The following NUDCD3 variants were observed in gnomAD, a reference collection of about 807,000 sequenced individuals.
NUDCD3 encodes nudC domain-containing protein 3.
Under a neutral mutation model 39.7 loss-of-function variants are expected in NUDCD3, and 13 were observed. The ratio of observed to expected loss-of-function variants is 0.33; its 90% CI spans 0.21 to 0.52. NUDCD3 has a LOEUF of 0.52. Ranked by LOEUF, NUDCD3 falls within the 20% of genes least tolerant of loss-of-function variation. The probability of loss-of-function intolerance (pLI) is 0.96; values close to 1 mark genes in which losing one functional copy is unlikely to be tolerated. For synonymous variants in NUDCD3, 175 were observed against 172.4 expected, an observed-to-expected ratio of 1.02 and a Z score of -0.12; for missense variants, 453 against 458.1, an observed-to-expected ratio of 0.99 and a Z score of 0.10.
intron 3 of NUDCD3, among the ~76,000 whole-genome samples, chr7:44,408,305 C>G (rs1412543975): frequency 1.3e-5 from 2 of 152,092 alleles, no homozygotes; most frequent in Non-Finnish European, 2.9e-5. Context: ...ATATCCAACT[C>G]AAGTCCAAAA....
intron 2 of NUDCD3, among the ~76,000 whole-genome samples, chr7:44,437,578 G>A (rs866838526): frequency 4.3e-4 from 65 of 152,312 alleles, no homozygotes; most frequent in African/African-American, 1.5e-3. Context: ...ACTCTGGCCT[G>A]TGTGGGGGCC....
chr7:44,422,061 G>T (rs1799150660), intron 3 of NUDCD3, among the ~76,000 whole-genome samples: 1 of 152,168 alleles, frequency 6.6e-6, no homozygotes, highest in African/African-American at 2.4e-5. Flanking sequence ...TGAAATTAAG[G>T]CAGAAATAAC....
chr7:44,459,155 TA>T (rs1163859526), intron 2 of NUDCD3, among the ~76,000 whole-genome samples: 5 of 152,218 alleles, frequency 3.3e-5, no homozygotes, highest in African/African-American at 1.2e-4. Flanking sequence ...TATTCCTAAG[TA>T]TTTTTTTATA....
intron 3 of NUDCD3, among the ~76,000 whole-genome samples, chr7:44,416,627 C>G (rs898675827): frequency 6.6e-6 from 1 of 152,154 alleles, no homozygotes; most frequent in Non-Finnish European, 1.5e-5. Context: ...AGGCAGGTCA[C>G]CAGTACAAAT....
intron 3 of NUDCD3, among the ~76,000 whole-genome samples, chr7:44,425,112 G>A (rs1799208753): frequency 6.6e-6 from 1 of 152,064 alleles, no homozygotes; most frequent in Non-Finnish European, 1.5e-5. Context: ...TGGACACAGG[G>A]AGGGGAACAT....
intron 2 of NUDCD3, among the ~76,000 whole-genome samples, chr7:44,444,201 T>A (rs1799647117): frequency 6.6e-6 from 1 of 152,176 alleles, no homozygotes; most frequent in African/African-American, 2.4e-5. Flanking sequence ...AACCTTCTCA[T>A]CTCACAGGTT....
At chr7:44,467,065 C>T (rs987109485) in intron 2 of NUDCD3, among the ~76,000 whole-genome samples, 13 of 152,176 alleles carry the variant, frequency 8.5e-5, no homozygotes, top group Admixed American at 1.3e-4. Flanking sequence ...CCCTCACCAG[C>T]CCCCCGTGGT....
chr7:44,408,096 G>A (rs1167497499), intron 3 of NUDCD3, among the ~76,000 whole-genome samples: 1 of 152,162 alleles, frequency 6.6e-6, no homozygotes, highest in African/African-American at 2.4e-5. Flanking sequence ...TAGACTTCCA[G>A]AATCAATTAC....
intron 2 of NUDCD3, among the ~76,000 whole-genome samples, chr7:44,484,169 A>C (rs1409542734): frequency 1.3e-5 from 2 of 152,218 alleles, no homozygotes; most frequent in Non-Finnish European, 2.9e-5. Context: ...TTTCCAAAAA[A>C]ACAAAGCAGG....
intron 4 of NUDCD3, chr7:44,402,839 C>T (rs1798750704): frequency 5.5e-6 from 2 of 363,066 alleles, no homozygotes; most frequent in Non-Finnish European, 1.1e-5. Context: ...CAGGGCTGCA[C>T]CTTCAGAGGG....
intron 4 of NUDCD3, among the ~76,000 whole-genome samples, chr7:44,398,700 C>T (rs1798667936): frequency 1.3e-5 from 2 of 152,172 alleles, no homozygotes; most frequent in South Asian, 4.1e-4. Flanking sequence ...ATGTGCCCAG[C>T]GAGGACGACT....
At chr7:44,478,034 A>G (rs1800413046) in intron 2 of NUDCD3, among the ~76,000 whole-genome samples, 1 of 151,874 alleles carries the variant, frequency 6.6e-6, no homozygotes, top group African/African-American at 2.4e-5. Flanking sequence ...GAGTTTCACC[A>G]TGTTGGTGAG....
rs1160016770 is a variant in NUDCD3 at position 44,458,927 on chromosome 7, C to T, written c.509+26041G>A. On this transcript the variant is annotated intron_variant, in intron 2 of 5. Transcript: ENST00000355451. ...TACTGACACTGGCTGCAGGATTAGA[C>T]GGGGAGTGCTGTGTGTGTGTGTGTG... Among the ~76,000 whole-genome samples, 12 of 78,780 alleles carry T rather than the reference C, an allele frequency of 1.5e-4. No individual in the cohort carries two copies. In the East Asian group the frequency reaches 3.0e-3, roughly 20 times the overall value. 51.7% of individuals were successfully genotyped at this position (78,780 alleles called of 152,430 possible). A position where few individuals can be genotyped will look rare whatever the true frequency, so the allele number is the denominator to read the frequency against.
intron 2 of NUDCD3, among the ~76,000 whole-genome samples, chr7:44,456,556 C>A (rs1179611627): frequency 6.6e-6 from 1 of 152,048 alleles, no homozygotes; most frequent in East Asian, 1.9e-4. Flanking sequence ...ACGGCTTGAA[C>A]CCAGGAGTTC....
intron 2 of NUDCD3, among the ~76,000 whole-genome samples, chr7:44,463,215 A>C (rs1800052719): frequency 6.6e-6 from 1 of 152,152 alleles, no homozygotes; most frequent in African/African-American, 2.4e-5. Flanking sequence ...GTTAGGGTAT[A>C]ACAATGGAAT....
chr7:44,419,355 C>A (rs1799093202), intron 3 of NUDCD3, among the ~76,000 whole-genome samples: 1 of 152,196 alleles, frequency 6.6e-6, no homozygotes, highest in Non-Finnish European at 1.5e-5. Context: ...GATAAAACTC[C>A]CATCTCCCTG....
chr7:44,470,946 CATGAG>C (rs1192810912), intron 2 of NUDCD3, among the ~76,000 whole-genome samples: 4 of 152,236 alleles, frequency 2.6e-5, no homozygotes, highest in African/African-American at 4.8e-5. Flanking sequence ...GAGTGGCATT[CATGAG>C]ATATGTTAAA....
intron 2 of NUDCD3, among the ~76,000 whole-genome samples, chr7:44,470,877 TAAG>T (rs1800241402): frequency 6.6e-6 from 1 of 152,230 alleles, no homozygotes. Flanking sequence ...TGAGTTGCCC[TAAG>T]AAGACAGAGA....
At chr7:44,400,828 G>A (rs1442023858) in intron 4 of NUDCD3, among the ~76,000 whole-genome samples, 1 of 152,122 alleles carries the variant, frequency 6.6e-6, no homozygotes, top group Non-Finnish European at 1.5e-5. Flanking sequence ...TATAAAGACA[G>A]GTGTCACTGG....
Sources: allele counts gnomAD v4.1 joint callset (sites outside exome capture counted in the v4.1 genomes callset), GRCh38; gene constraint gnomAD v4.1.1; transcripts MANE v1.5; gene names NCBI Gene and HGNC (gene_info 2026-07-23, HGNC 2026-07-21).